Variants in RALYL observed in about 807,000 individuals in gnomAD.
The protein encoded by RALYL is RNA-binding Raly-like protein.
Under a neutral mutation model 35.1 loss-of-function variants are expected in RALYL, and 29 were observed. The ratio of observed to expected loss-of-function variants is 0.83; its 90% CI spans 0.61 to 1.13. The LOEUF (loss-of-function observed/expected upper bound fraction) is 1.13, where lower values mean the gene tolerates loss of function less well. Among genes scored for constraint, RALYL ranks in the 50% most tolerant of loss-of-function variants. The pLI is 0.00. For synonymous variants in RALYL, 120 were observed against 127.6 expected, an observed-to-expected ratio of 0.94 and a Z score of 0.40; for missense variants, 359 against 360.4, an observed-to-expected ratio of 1.00 and a Z score of 0.03.
intron 1 of RALYL, among the ~76,000 whole-genome samples, chr8:84,288,783 T>A (rs531588595): frequency 3.9e-4 from 59 of 152,280 alleles, no homozygotes; most frequent in Middle Eastern, 3.4e-3. Flanking sequence ...TTTACAATAT[T>A]TATACTTTAA....
intron 3 of RALYL, among the ~76,000 whole-genome samples, chr8:84,787,183 C>T (rs899512612): frequency 7.3e-5 from 11 of 151,608 alleles, no homozygotes; most frequent in East Asian, 1.9e-4. Context: ...AAACAGACCC[C>T]GGCGTGTGAT....
At chr8:84,811,056 GTTTTGTT>G (rs1825789860) in intron 4 of RALYL, among the ~76,000 whole-genome samples, 2 of 151,384 alleles carry the variant, frequency 1.3e-5, no homozygotes, top group Non-Finnish European at 2.9e-5. Flanking sequence ...GCGTACCTTG[GTTTTGTT>G]TTTTGTTTTT....
intron 1 of RALYL, among the ~76,000 whole-genome samples, chr8:84,333,678 A>G (rs935104627): frequency 5.3e-5 from 8 of 152,160 alleles, no homozygotes; most frequent in Non-Finnish European, 1.2e-4. Context: ...CATTTGGATC[A>G]GATGAGCTTG....
intron 1 of RALYL, chr8:84,346,030 C>A: frequency 1.1e-6 from 1 of 946,798 alleles, no homozygotes; most frequent in Non-Finnish European, 1.3e-6. Flanking sequence ...ATGCATTTCT[C>A]TTATTCAAAA....
chr8:84,254,753 A>T lies in RALYL; in HGVS notation c.-24+70329A>T, dbSNP rs1430990739. Among the ~76,000 whole-genome samples, 3 of 151,590 alleles carry T rather than the reference A, an allele frequency of 2.0e-5. No homozygotes were observed. In the East Asian group the frequency reaches 5.8e-4, roughly 29 times the overall value. The stretch of plus-strand genomic sequence containing the variant: ...CAAGACTGGGTAATTTATGAAAAAA[A>T]AAAAAAAGAGGTTTAATTGACTCAC... On this transcript the variant is annotated intron_variant, in intron 1 of 8. Coordinates refer to ENST00000521268, the MANE Select transcript of RALYL (RefSeq NM_173848.7).
chr8:84,241,878 T>C (rs1827991731), intron 1 of RALYL, among the ~76,000 whole-genome samples: 2 of 152,136 alleles, frequency 1.3e-5, no homozygotes, highest in Non-Finnish European at 2.9e-5. Flanking sequence ...GGGGTACATG[T>C]GCAGGATATG....
At chr8:84,435,526 A>T (rs2047620025) in intron 1 of RALYL, among the ~76,000 whole-genome samples, 1 of 152,166 alleles carries the variant, frequency 6.6e-6, no homozygotes, top group Non-Finnish European at 1.5e-5. Context: ...AACTCTAGAG[A>T]CATACATTAA....
At chr8:84,663,974 TC>T (rs1222266623) in intron 2 of RALYL, among the ~76,000 whole-genome samples, 4 of 152,316 alleles carry the variant, frequency 2.6e-5, no homozygotes, top group African/African-American at 9.6e-5. Context: ...CTTTCATCCA[TC>T]CTGAATTGAT....
intron 1 of RALYL, among the ~76,000 whole-genome samples, chr8:84,410,118 G>T (rs536768986): frequency 6.6e-6 from 1 of 152,000 alleles, no homozygotes; most frequent in East Asian, 1.9e-4. Context: ...CATGTCAGAT[G>T]TAGGTTTTTA....
At chr8:84,782,485 G>A (rs1462400049) in intron 3 of RALYL, among the ~76,000 whole-genome samples, 1 of 152,236 alleles carries the variant, frequency 6.6e-6, no homozygotes, top group African/African-American at 2.4e-5. Flanking sequence ...ACAGTTGGCA[G>A]GTGCCAATGA....
chr8:84,509,216 AT>A (rs1277740757), intron 1 of RALYL, among the ~76,000 whole-genome samples: 1 of 152,104 alleles, frequency 6.6e-6, no homozygotes, highest in Non-Finnish European at 1.5e-5. Flanking sequence ...CATGCATTTG[AT>A]TTAATTTGCT....
chr8:84,610,785 T>A (rs1818133685), intron 2 of RALYL, among the ~76,000 whole-genome samples: 1 of 152,164 alleles, frequency 6.6e-6, no homozygotes, highest in Non-Finnish European at 1.5e-5. Flanking sequence ...ATTTTACTTA[T>A]TTTGTTACTC....
chr8:84,365,856 C>A (rs1384581210), intron 1 of RALYL, among the ~76,000 whole-genome samples: 1 of 152,164 alleles, frequency 6.6e-6, no homozygotes, highest in Non-Finnish European at 1.5e-5. Context: ...GAACCTAAAG[C>A]ATCTACTTAG....
intron 8 of RALYL, among the ~76,000 whole-genome samples, chr8:84,908,733 C>G (rs73261925): frequency 2.6e-5 from 4 of 152,014 alleles, no homozygotes; most frequent in Non-Finnish European, 5.9e-5. Context: ...ATATATTGGG[C>G]AGCCCTAGCA....
intron 4 of RALYL, among the ~76,000 whole-genome samples, chr8:84,847,865 A>T (rs758433432): frequency 1.3e-5 from 2 of 152,114 alleles, no homozygotes; most frequent in Non-Finnish European, 2.9e-5. Flanking sequence ...CATGTGTTCC[A>T]TTTGACAGAA....
intron 2 of RALYL, among the ~76,000 whole-genome samples, chr8:84,677,679 A>G (rs1472006649): frequency 6.6e-6 from 1 of 152,254 alleles, no homozygotes; most frequent in Non-Finnish European, 1.5e-5. Flanking sequence ...ATTTTGTGCA[A>G]TAAAAGAAAA....
intron 1 of RALYL, among the ~76,000 whole-genome samples, chr8:84,225,619 A>G (rs1823682662): frequency 6.6e-6 from 1 of 151,946 alleles, no homozygotes; most frequent in Non-Finnish European, 1.5e-5. Context: ...AGCTCTTTTC[A>G]CTACTGGTTT....
intron 1 of RALYL, among the ~76,000 whole-genome samples, chr8:84,442,529 C>T (rs2048440266): frequency 6.6e-6 from 1 of 152,066 alleles, no homozygotes; most frequent in Non-Finnish European, 1.5e-5. Context: ...TAGTTCCTAA[C>T]TTCAAGGTGC....
chr8:84,311,581 T>C (rs1241522517), intron 1 of RALYL, among the ~76,000 whole-genome samples: 1 of 152,156 alleles, frequency 6.6e-6, no homozygotes, highest in Non-Finnish European at 1.5e-5. Flanking sequence ...GACTGAACTC[T>C]TATCCTAAAG....
Sources: allele counts gnomAD v4.1 joint callset (sites outside exome capture counted in the v4.1 genomes callset), GRCh38; gene constraint gnomAD v4.1.1; transcripts MANE v1.5; gene names NCBI Gene and HGNC (gene_info 2026-07-23, HGNC 2026-07-21).